PDE4D: variants seen among roughly 807,000 people sequenced by gnomAD.
PDE4D encodes the protein 3',5'-cyclic-AMP phosphodiesterase 4D.
Under a neutral mutation model 87.4 loss-of-function variants are expected in PDE4D, and 24 were observed. That is an observed-to-expected ratio of 0.27 (90% CI 0.20 to 0.39). The LOEUF is 0.39. Ranked by LOEUF, PDE4D falls within the 10% of genes least tolerant of loss-of-function variation. The pLI, the probability that PDE4D is intolerant of heterozygous loss-of-function variation, is 1.00. For missense variants in PDE4D, 714 were observed against 1,041.0 expected (o/e 0.69, Z 4.32); for synonymous variants, 384 against 383.2 (o/e 1.00, Z -0.02).
At position 60,410,200 on chromosome 5, in the gene PDE4D, A is replaced by G. The variant is rs112590208; in HGVS notation, c.-90+77742T>C. 3.3e-5 allele frequency among the ~76,000 whole-genome samples: 5 copies of G among 152,240 alleles called. 1 individual carries two copies. The highest frequency in any genetic ancestry group is 1.2e-4 in the African/African-American group (5 of 41,550). On this transcript the variant is annotated intron_variant, in intron 1 of 16. Coordinates refer to the PDE4D transcript ENST00000502484. ...GAACACAAGCCTGGCAAATAATGTG[A>G]TGGCACCCTAGCAAAGGCTGGGTGT...
chr5:59,328,494 A>C (rs1203898871), intron 1 of PDE4D, among the ~76,000 whole-genome samples: 1 of 152,204 alleles, frequency 6.6e-6, no homozygotes. Flanking sequence ...TATACATATC[A>C]GAGGTTGGAA....
chr5:59,757,375 C>G (rs539952692), intron 1 of PDE4D, among the ~76,000 whole-genome samples: 1 of 152,106 alleles, frequency 6.6e-6, no homozygotes, highest in Non-Finnish European at 1.5e-5. Flanking sequence ...TCACAGAAAA[C>G]AATCTCTGAA....
At chr5:59,702,360 TTG>T (rs1752702525) in intron 1 of PDE4D, among the ~76,000 whole-genome samples, 1 of 152,082 alleles carries the variant, frequency 6.6e-6, no homozygotes, top group South Asian at 2.1e-4. Flanking sequence ...TCTCCTGACC[TTG>T]TGATCTGCCT....
intron 5 of PDE4D, among the ~76,000 whole-genome samples, chr5:59,115,992 A>G (rs1253942083): frequency 1.3e-5 from 2 of 152,232 alleles, no homozygotes; most frequent in Admixed American, 6.5e-5. Flanking sequence ...TGGCAGATTT[A>G]TAATTATTAA....
At chr5:59,881,781 C>A (rs1379854121) in intron 1 of PDE4D, among the ~76,000 whole-genome samples, 1 of 152,070 alleles carries the variant, frequency 6.6e-6, no homozygotes, top group Non-Finnish European at 1.5e-5. Flanking sequence ...AATAATTATA[C>A]AATTAAACAT....
intron 1 of PDE4D, among the ~76,000 whole-genome samples, chr5:59,300,688 C>T (rs186746550): frequency 1.3e-5 from 2 of 152,014 alleles, no homozygotes; most frequent in African/African-American, 4.8e-5. Flanking sequence ...GTTTCCCCCC[C>T]ACACCAAGCA....
At chr5:60,006,405 A>G (rs1204709347) in intron 2 of PDE4D, among the ~76,000 whole-genome samples, 1 of 151,844 alleles carries the variant, frequency 6.6e-6, no homozygotes, top group Non-Finnish European at 1.5e-5. Context: ...AGTTTACAGA[A>G]GGAGAAATAA....
intron 1 of PDE4D, among the ~76,000 whole-genome samples, chr5:60,401,524 G>A (rs955434393): frequency 1.3e-5 from 2 of 152,114 alleles, no homozygotes; most frequent in South Asian, 4.1e-4. Flanking sequence ...TCCCTCTCAC[G>A]GCAAGCCCAC....
At position 59,711,898 on chromosome 5, in the gene PDE4D, A is replaced by G. The variant is rs372314664; in HGVS notation, c.455+181270T>C. Among the ~76,000 whole-genome samples, 23 of 152,246 alleles carry G rather than the reference A, an allele frequency of 1.5e-4. No homozygotes were observed. In the South Asian group the frequency reaches 4.6e-3, roughly 30 times the overall value. The stretch of plus-strand genomic sequence containing the variant: ...TTGGTAAGGAAAGGGAAACAGCCCA[A>G]TGACATTTGTGCTTATTTGTGGATT... On this transcript the variant is annotated intron_variant, in intron 1 of 14. Coordinates refer to ENST00000340635, the MANE Select transcript of PDE4D (RefSeq NM_001104631.2).
chr5:60,483,148 T>G (rs978103223), intron 1 of PDE4D, among the ~76,000 whole-genome samples: 1 of 152,122 alleles, frequency 6.6e-6, no homozygotes, highest in Non-Finnish European at 1.5e-5. Context: ...ATAAGAAAAT[T>G]TTTATGTTTC....
intron 2 of PDE4D, among the ~76,000 whole-genome samples, chr5:60,028,052 T>C (rs1766825469): frequency 6.6e-6 from 1 of 152,160 alleles, no homozygotes; most frequent in South Asian, 2.1e-4. Context: ...ACTTCTCTCT[T>C]ATTTCACTTC....
intron 1 of PDE4D, among the ~76,000 whole-genome samples, chr5:60,474,590 T>G (rs1748164141): frequency 6.6e-6 from 1 of 152,152 alleles, no homozygotes; most frequent in African/African-American, 2.4e-5. Flanking sequence ...CTTGTCCCTT[T>G]TTAAATAATT....
chr5:59,079,962 C>T (rs145890622), intron 5 of PDE4D, among the ~76,000 whole-genome samples: 29 of 151,376 alleles, frequency 1.9e-4, no homozygotes, highest in African/African-American at 6.5e-4. Flanking sequence ...GGCACTAGGA[C>T]CTATGAGCCA....
chr5:59,139,092 A>G (rs1777535127), intron 5 of PDE4D, among the ~76,000 whole-genome samples: 1 of 152,204 alleles, frequency 6.6e-6, no homozygotes, highest in Admixed American at 6.5e-5. Context: ...TCAGGAAACT[A>G]TACACTGCAG....
At chr5:59,872,958 T>C (rs1486998897) in intron 1 of PDE4D, among the ~76,000 whole-genome samples, 5 of 152,152 alleles carry the variant, frequency 3.3e-5, no homozygotes, top group East Asian at 1.9e-4. Context: ...AGAGACTGCA[T>C]GTCTTCATCT....
At chr5:60,274,439 C>A (rs1391405514) in intron 1 of PDE4D, among the ~76,000 whole-genome samples, 1 of 152,134 alleles carries the variant, frequency 6.6e-6, no homozygotes, top group Non-Finnish European at 1.5e-5. Context: ...CGACTCACTG[C>A]AATTTCCACC....
intron 1 of PDE4D, among the ~76,000 whole-genome samples, chr5:59,257,641 G>A (rs1761222186): frequency 6.6e-6 from 1 of 151,978 alleles, no homozygotes; most frequent in African/African-American, 2.4e-5. Context: ...TGAAATCTAT[G>A]CACTTATGGC....
chr5:60,096,730 G>A (rs774847440), intron 2 of PDE4D, among the ~76,000 whole-genome samples: 1 of 152,008 alleles, frequency 6.6e-6, no homozygotes, highest in Non-Finnish European at 1.5e-5. Context: ...CCTGGTTTAA[G>A]GCTGAAACCC....
intron 5 of PDE4D, among the ~76,000 whole-genome samples, chr5:59,131,934 A>C (rs1210532871): frequency 6.6e-6 from 1 of 152,052 alleles, no homozygotes; most frequent in Non-Finnish European, 1.5e-5. Flanking sequence ...TTAAGGATAC[A>C]TGTCTTAGTT....
Sources: allele counts gnomAD v4.1 joint callset (sites outside exome capture counted in the v4.1 genomes callset), GRCh38; gene constraint gnomAD v4.1.1; transcripts MANE v1.5; gene names NCBI Gene and HGNC (gene_info 2026-07-23, HGNC 2026-07-21).